Variants in NTM observed in about 807,000 individuals in gnomAD.
NTM encodes the protein IgLON family member 2.
Under a neutral mutation model 42.1 loss-of-function variants are expected in NTM, and 13 were observed. That is an observed-to-expected ratio of 0.31 (90% CI 0.20 to 0.49). The LOEUF is 0.49. NTM is among the 20% of genes least tolerant of loss of function. The probability of loss-of-function intolerance (pLI) is 0.99; values close to 1 mark genes in which losing one functional copy is unlikely to be tolerated. For synonymous variants in NTM, 187 were observed against 179.2 expected (o/e 1.04, Z -0.35); for missense variants, 373 against 452.8 (o/e 0.82, Z 1.60).
At chr11:131,810,970 ATTAC>A (rs1410276871) in intron 1 of NTM, among the ~76,000 whole-genome samples, 1 of 152,206 alleles carries the variant, frequency 6.6e-6, no homozygotes, top group East Asian at 1.9e-4. Flanking sequence ...CAAGTAATTT[ATTAC>A]TTCTAATAAT....
chr11:132,202,702 G>A (rs369667294), intron 3 of NTM, among the ~76,000 whole-genome samples: 3 of 152,198 alleles, frequency 2.0e-5, no homozygotes, highest in African/African-American at 7.2e-5. Flanking sequence ...AGAATGGTAT[G>A]GACTGCACTC....
intron 2 of NTM, among the ~76,000 whole-genome samples, chr11:132,049,213 T>C (rs183382093): frequency 3.8e-4 from 58 of 152,238 alleles, no homozygotes; most frequent in African/African-American, 1.3e-3. Context: ...GCATAAAGTA[T>C]GTCTGAAAAC....
intron 2 of NTM, among the ~76,000 whole-genome samples, chr11:132,114,088 G>A (rs1407520154): frequency 6.6e-6 from 1 of 152,070 alleles, no homozygotes; most frequent in Non-Finnish European, 1.5e-5. Context: ...TTCTTTAAAA[G>A]GCGTCTTTTG....
At chr11:131,942,817 G>A (rs1188204271) in intron 2 of NTM, among the ~76,000 whole-genome samples, 4 of 151,906 alleles carry the variant, frequency 2.6e-5, no homozygotes, top group South Asian at 2.1e-4. Flanking sequence ...ATGGTGACAC[G>A]TGTCTGTAAC....
chr11:132,048,818 CTT>C (rs10563617), intron 2 of NTM, among the ~76,000 whole-genome samples: 38,910 of 132,320 alleles, frequency 0.29, 5,803 homozygotes, highest in East Asian at 0.71. Context: ...TTTCTTTTTT[CTT>C]TTTTTTTTTT....
chr11:131,372,673 T>C (rs1272259807), intron 1 of NTM, among the ~76,000 whole-genome samples: 1 of 152,054 alleles, frequency 6.6e-6, no homozygotes, highest in East Asian at 1.9e-4. Flanking sequence ...GATCCATGTC[T>C]CTTCTGCCTG....
At chr11:132,280,820 G>A (rs1004243787) in intron 4 of NTM, among the ~76,000 whole-genome samples, 1 of 134,240 alleles carries the variant, frequency 7.4e-6, no homozygotes, top group Non-Finnish European at 1.7e-5. Flanking sequence ...TGTAGGGATA[G>A]CTTTCATTTG....
chr11:131,999,563 A>C (rs1421248755), intron 2 of NTM, among the ~76,000 whole-genome samples: 1 of 152,250 alleles, frequency 6.6e-6, no homozygotes, highest in African/African-American at 2.4e-5. Flanking sequence ...CATGGCTGGT[A>C]GATGCTCCCT....
intron 1 of NTM, among the ~76,000 whole-genome samples, chr11:131,657,752 A>T (rs1409470350): frequency 6.6e-6 from 1 of 152,218 alleles, no homozygotes; most frequent in African/African-American, 2.4e-5. Context: ...CAAATTCCAC[A>T]TTCACAAAGG....
chr11:132,189,624 CACTGATTCACG>C (rs543801819), intron 3 of NTM, among the ~76,000 whole-genome samples: 1 of 148,952 alleles, frequency 6.7e-6, no homozygotes, highest in East Asian at 2.0e-4. Context: ...TTGCCTTGCC[CACTGATTCACG>C]GCAGATACAC....
intron 1 of NTM, among the ~76,000 whole-genome samples, chr11:131,403,449 C>T (rs1310136052): frequency 6.6e-6 from 1 of 151,952 alleles, no homozygotes; most frequent in Non-Finnish European, 1.5e-5. Flanking sequence ...GTCTGCTTGA[C>T]ACCACCTATC....
intron 1 of NTM, among the ~76,000 whole-genome samples, chr11:131,693,475 T>TG (rs1565434212): frequency 6.6e-6 from 1 of 152,096 alleles, no homozygotes; most frequent in Non-Finnish European, 1.5e-5. Context: ...GGTTAAGGAA[T>TG]GGGGGGCATG....
chr11:131,879,666 T>A (rs1248337560), intron 1 of NTM, among the ~76,000 whole-genome samples: 2 of 152,216 alleles, frequency 1.3e-5, no homozygotes, highest in Non-Finnish European at 2.9e-5. Context: ...AATACTTATT[T>A]GAAAAATATT....
chr11:131,577,041 C>A (rs1413551833), intron 1 of NTM, among the ~76,000 whole-genome samples: 1 of 152,098 alleles, frequency 6.6e-6, no homozygotes, highest in Non-Finnish European at 1.5e-5. Context: ...ATTTCAAGGA[C>A]TTTGGGGTCA....
chr11:131,449,342 G>T (rs927444237), intron 1 of NTM, among the ~76,000 whole-genome samples: 1 of 152,166 alleles, frequency 6.6e-6, no homozygotes, highest in African/African-American at 2.4e-5. Context: ...GCATGGAGGT[G>T]GGGGCTTACA....
At chr11:131,833,316 T>C (rs968458160) in intron 1 of NTM, among the ~76,000 whole-genome samples, 3 of 152,240 alleles carry the variant, frequency 2.0e-5, no homozygotes, top group African/African-American at 7.2e-5. Context: ...GCTATCAATA[T>C]CTAACAATTG....
chr11:132,331,433 G>A (rs1026618142), intron 8 of NTM, among the ~76,000 whole-genome samples: 1 of 152,198 alleles, frequency 6.6e-6, no homozygotes, highest in African/African-American at 2.4e-5. Flanking sequence ...GTATTTGGAA[G>A]AGGAAATTGA....
chr11:131,558,215 G>C (rs1408792347), intron 1 of NTM, among the ~76,000 whole-genome samples: 1 of 152,088 alleles, frequency 6.6e-6, no homozygotes, highest in Non-Finnish European at 1.5e-5. Flanking sequence ...TGCTTCCTTG[G>C]GAGCAGCACA....
chr11:131,533,469 G>C (rs1243640918), intron 1 of NTM, among the ~76,000 whole-genome samples: 2 of 152,178 alleles, frequency 1.3e-5, no homozygotes, highest in African/African-American at 2.4e-5. Context: ...TGGGGGGCCT[G>C]GGCCTTCTGC....
Sources: allele counts gnomAD v4.1 joint callset (sites outside exome capture counted in the v4.1 genomes callset), GRCh38; gene constraint gnomAD v4.1.1; transcripts MANE v1.5; gene names NCBI Gene and HGNC (gene_info 2026-07-23, HGNC 2026-07-21).